MROH1: variants seen among roughly 807,000 people sequenced by gnomAD.
The protein encoded by MROH1 is maestro heat like repeat family member 1.
Under a neutral mutation model 116.5 loss-of-function variants are expected in MROH1, and 117 were observed. The observed-to-expected ratio is 1.00, with a 90% CI of 0.86 to 1.17. The LOEUF (loss-of-function observed/expected upper bound fraction) is 1.17. MROH1 is among the 50% of genes most tolerant of loss of function. The pLI, the probability that MROH1 is intolerant of heterozygous loss-of-function variation, is 0.00. For synonymous variants in MROH1, 921 were observed against 583.9 expected (o/e 1.58, Z -8.32); for missense variants, 1,873 against 1,338.5 (o/e 1.40, Z -6.23).
rs1844394823 is a variant in MROH1 at position 144,258,696 on chromosome 8, T to C, written c.3792-81T>C. The C allele has an allele frequency of 4.3e-6, 3 of 704,474 alleles. No homozygotes were observed. In the African/African-American group the frequency reaches 5.2e-5, roughly 12 times the overall value. The allele number at this position is 704,474 out of a possible 1,614,324, so 43.6% of individuals were successfully genotyped here. A position where few individuals can be genotyped will look rare whatever the true frequency, so the allele number is the denominator to read the frequency against. On this transcript the variant is annotated intron_variant, in intron 35 of 43. Coordinates refer to ENST00000326134, the MANE Select transcript of MROH1 (RefSeq NM_032450.3). Reference sequence around the variant, plus strand: ...TAGCCACCAGGTGGGCAACACGCATTGGGTGCAGACCTGAGGAGTTAATCA... The same window carrying C: ...TAGCCACCAGGTGGGCAACACGCATCGGGTGCAGACCTGAGGAGTTAATCA...
In MROH1 at chr8:144,239,688, A is replaced by G; in HGVS notation, c.1707A>G (p.Pro569=). ...AALRLLSVLH[P]NIHPLLGQHW... ...TGCGCCTCCTCAGTGTTCTGCACCC[A>G]AACATTCACCCTTTGCTGGGTCAGC... The change falls in exon 18 of 44, where the codon CCA becomes CCG. Residue 569 remains proline, a synonymous_variant. Coordinates refer to ENST00000326134, the MANE Select transcript of MROH1 (RefSeq NM_032450.3). 1.3e-6 allele frequency: 1 copy of G among 747,206 alleles called. No individual in the cohort carries two copies. The highest frequency in any genetic ancestry group is 2.5e-6 in the Non-Finnish European group (1 of 401,634). The allele number at this position is 747,206 out of a possible 1,614,324, so 46.3% of individuals were successfully genotyped here.
intron 7 of MROH1, among the ~76,000 whole-genome samples, chr8:144,181,389 G>A (rs954321104): frequency 1.1e-4 from 17 of 149,220 alleles, no homozygotes; most frequent in Non-Finnish European, 2.5e-4. Context: ...TTACAGGGCT[G>A]GGCTGGGCTC....
chr8:144,213,390 T>G, intron 12 of MROH1: 3 of 340,568 alleles, frequency 8.8e-6, no homozygotes, highest in Non-Finnish European at 1.1e-5. Context: ...TTTCCTTGAG[T>G]GTCTTAAGTT....
At chr8:144,156,943 T>G (rs1340757508) in intron 1 of MROH1, among the ~76,000 whole-genome samples, 2 of 149,216 alleles carry the variant, frequency 1.3e-5, no homozygotes, top group Non-Finnish European at 3.0e-5. Context: ...CCACCACGCC[T>G]GGCTAATTTT....
rs1278154507 is a variant in MROH1, at chr8:144,245,242, G to A, written c.2853G>A (p.Leu951=). 6 of 778,468 alleles carry A rather than the reference G, an allele frequency of 7.7e-6. No homozygotes were observed. The African/African-American group carries it at 8.5e-5, about 11-fold the overall frequency. The allele number at this position is 778,468 out of a possible 1,614,324, so 48.2% of individuals were successfully genotyped here. A position where few individuals can be genotyped will look rare whatever the true frequency, so the allele number is the denominator to read the frequency against. ...GLSALLLRYF[L]EHLRVSALVP... ...GCGCCCTCCTGCTGCGCTACTTCCT[G>A]GAGCACCTGCGTGTCAGCGTGAGTA... The change falls in exon 29 of 44, where the codon CTG becomes CTA. Residue 951 remains leucine, a synonymous_variant. Coordinates refer to ENST00000326134, the MANE Select transcript of MROH1 (RefSeq NM_032450.3).
In MROH1 at chr8:144,169,814, GTATTTT is replaced by G. The variant is rs1165693155; in HGVS notation, c.168+1385_168+1390del. Among the ~76,000 whole-genome samples, 21 of 144,370 alleles carry G rather than the reference GTATTTT, an allele frequency of 1.5e-4. No homozygotes were observed. The East Asian group carries it at 4.3e-3, about 29-fold the overall frequency. 94.7% of individuals were successfully genotyped at this position (144,370 alleles called of 152,430 possible). A position where few individuals can be genotyped will look rare whatever the true frequency, so the allele number is the denominator to read the frequency against. Reference sequence around the variant, plus strand: ...TGCACCACCACACACGGCTAATTTTGTATTTTTATTTTTATTATTTATTTATATATG... The same window carrying G: ...TGCACCACCACACACGGCTAATTTTGTATTTTTATTATTTATTTATATATG... On this transcript the variant is annotated intron_variant, in intron 4 of 43. Transcript: ENST00000326134.
At chr8:144,217,455 C>G (rs1016210042) in intron 12 of MROH1, among the ~76,000 whole-genome samples, 1 of 152,204 alleles carries the variant, frequency 6.6e-6, no homozygotes, top group Non-Finnish European at 1.5e-5. Flanking sequence ...ACCCCAAAAT[C>G]TGAAACACAT....
At chr8:144,239,461 G>A (rs1304552064) in intron 17 of MROH1, 98 bp downstream of exon 17, 9 of 774,546 alleles carry the variant, frequency 1.2e-5, no homozygotes, top group South Asian at 2.7e-5. Context: ...GGGCAGCCGC[G>A]GTCAGGGCTC....
chr8:144,165,257 T>C (rs1820523262), intron 3 of MROH1, among the ~76,000 whole-genome samples: 1 of 152,048 alleles, frequency 6.6e-6, no homozygotes, highest in African/African-American at 2.4e-5. Flanking sequence ...CAGCTGGGAT[T>C]ACAGGTGCCC....
chr8:144,151,721 AAC>A (rs1475543023), intron 1 of MROH1, among the ~76,000 whole-genome samples: 1 of 152,218 alleles, frequency 6.6e-6, no homozygotes, highest in Non-Finnish European at 1.5e-5. Context: ...AGCACCCTGG[AAC>A]ACACGCCCAC....
chr8:144,238,632 G>C, intron 14 of MROH1, 124 bp from the exon 15 acceptor site: 1 of 676,776 alleles, frequency 1.5e-6, no homozygotes, highest in Non-Finnish European at 2.7e-6. Context: ...TCTGTGGCAG[G>C]TGGTGCACAT....
chr8:144,205,733 C>T (rs1333753771), intron 12 of MROH1, among the ~76,000 whole-genome samples: 1 of 152,078 alleles, frequency 6.6e-6, no homozygotes, highest in Non-Finnish European at 1.5e-5. Context: ...CTTCGGAAGC[C>T]TTCTCTGGGA....
chr8:144,246,247 T>G (rs1301057444), intron 29 of MROH1, among the ~76,000 whole-genome samples: 1 of 151,724 alleles, frequency 6.6e-6, no homozygotes, highest in African/African-American at 2.4e-5. Flanking sequence ...TAGCTGGGAT[T>G]ACAGGCGCCC....
At chr8:144,258,999 G>A (rs1844455583) in intron 36 of MROH1, 85 bp downstream of exon 36, 1 of 649,878 alleles carries the variant, frequency 1.5e-6, no homozygotes, top group Non-Finnish European at 2.8e-6. Context: ...ATCAGGCGGG[G>A]GCCCATGCGT....
chr8:144,197,417 C>CTTTTTTTTTTT lies in MROH1; in HGVS notation c.949-1679_949-1669dup, dbSNP rs79749774. ...AAGAGTGGGCAGGAAGCTGCAGCAT[C>CTTTTTTTTTTT]TTTTTTTTTTTTTTTTTTTTTTTTT... is the stretch of plus-strand genomic sequence containing the variant. On this transcript the variant is annotated intron_variant, in intron 10 of 43. Coordinates refer to ENST00000326134, the MANE Select transcript of MROH1 (RefSeq NM_032450.3). Among the ~76,000 whole-genome samples the CTTTTTTTTTTT allele has an allele frequency of 7.8e-4, 33 of 42,500 alleles. 9 individuals carry two copies. Among genetic ancestry groups the CTTTTTTTTTTT allele is most frequent in the African/African-American group, 1.7e-3 (13 of 7,674 alleles). The allele number at this position is 42,500 out of a possible 152,430, so 27.9% of individuals were successfully genotyped here.
chr8:144,176,212 CA>C (rs1302155811), intron 4 of MROH1, among the ~76,000 whole-genome samples: 67 of 143,612 alleles, frequency 4.7e-4, no homozygotes, highest in Middle Eastern at 3.5e-3. Flanking sequence ...ACTGAAAATA[CA>C]AAAAAAAAAA....
At chr8:144,245,454 C>A (rs1244152964) in intron 29 of MROH1, among the ~76,000 whole-genome samples, 194 bp downstream of exon 29, 1 of 152,244 alleles carries the variant, frequency 6.6e-6, no homozygotes, top group Non-Finnish European at 1.5e-5. Context: ...CCGTTGTCAT[C>A]AGGGGTCCAC....
At chr8:144,216,684 C>CTTTTT (rs71320815) in intron 12 of MROH1, among the ~76,000 whole-genome samples, 7 of 142,836 alleles carry the variant, frequency 4.9e-5, no homozygotes, top group African/African-American at 2.0e-4. Context: ...TTTTTTACTG[C>CTTTTT]TTTTTTTTTT....
At chr8:144,174,483 T>C (rs572376743) in intron 4 of MROH1, among the ~76,000 whole-genome samples, 77 of 151,040 alleles carry the variant, frequency 5.1e-4, no homozygotes, top group African/African-American at 1.7e-3. Context: ...CATAACCTTT[T>C]TTTTTTTTTT....
Sources: gnomAD v4.1 joint callset for allele counts (sites outside exome capture counted in the v4.1 genomes callset) on GRCh38, gnomAD v4.1.1 for gene constraint, MANE v1.5 for transcripts, NCBI Gene and HGNC (gene_info 2026-07-23, HGNC 2026-07-21) for gene names.